Variants in RHBDF2 observed in about 807,000 individuals in gnomAD.
The protein encoded by RHBDF2 is rhomboid 5 homolog 2, also known as inactive rhomboid protein 2.
Under a neutral mutation model 95.2 loss-of-function variants are expected in RHBDF2, and 38 were observed. The observed-to-expected ratio is 0.40, with a 90% CI of 0.31 to 0.52. The LOEUF (loss-of-function observed/expected upper bound fraction) is 0.52, where lower values mean the gene tolerates loss of function less well. RHBDF2 is among the 20% of genes least tolerant of loss of function. RHBDF2 has a pLI of 0.56. For synonymous variants in RHBDF2, 442 were observed against 462.0 expected (o/e 0.96, Z 0.55); for missense variants, 863 against 1,137.7 (o/e 0.76, Z 3.47).
In RHBDF2 at chr17:76,473,742, T is replaced by A; in HGVS notation, c.1639A>T (p.Ile547Phe). 6.2e-7 allele frequency: 1 copy of A among 1,611,960 alleles called. No homozygotes were observed. The highest frequency in any genetic ancestry group is 1.1e-5 in the South Asian group (1 of 90,676). Residue 547 changes from isoleucine (I) to phenylalanine (F), a missense_variant and splice_region_variant, in exon 15 of 19, where the codon ATC (isoleucine) becomes TTC (phenylalanine). Transcript: ENST00000675367. Reference sequence around the variant, plus strand: ...TTGCTCCTGGCCTGCTCTGTGCAGATCTGCCAGGAGGGGGCACCGGCAGGG... The same window carrying A: ...TTGCTCCTGGCCTGCTCTGTGCAGAACTGCCAGGAGGGGGCACCGGCAGGG... ...IWPDDITKWP[I>F]CTEQARSNHT...
intron 4 of RHBDF2, 177 bp from the exon 5 acceptor site, chr17:76,479,454 A>G: frequency 1.0e-6 from 1 of 983,394 alleles, no homozygotes; most frequent in Non-Finnish European, 1.6e-6. Flanking sequence ...GCAGGGGATG[A>G]CGGGAGCGTG....
chr17:76,484,131 C>T (rs141403853), intron 2 of RHBDF2, among the ~76,000 whole-genome samples: 5,662 of 152,020 alleles, frequency 0.037, 336 homozygotes, highest in African/African-American at 0.13. Context: ...GGTGTGGTGG[C>T]GCATGCCTGT....
intron 1 of RHBDF2, among the ~76,000 whole-genome samples, chr17:76,494,798 C>T (rs1438016294): frequency 6.6e-6 from 1 of 152,140 alleles, no homozygotes; most frequent in Non-Finnish European, 1.5e-5. Context: ...TGGAGGCAGG[C>T]AAGTGGCAGC....
chr17:76,485,411 CAAAAAAAAAAA>C (rs35202087), intron 2 of RHBDF2, among the ~76,000 whole-genome samples: 12 of 62,770 alleles, frequency 1.9e-4, no homozygotes, highest in East Asian at 1.4e-3. Context: ...AACTCTGTCT[CAAAAAAAAAAA>C]AAAAAAAAAA....
At chr17:76,474,559 A>G in intron 11 of RHBDF2, 25 bp from the exon 12 acceptor site, 1 of 1,613,154 alleles carries the variant, frequency 6.2e-7, no homozygotes, top group Non-Finnish European at 8.5e-7. Flanking sequence ...GGGAGGGGAG[A>G]GAGTGAGTTT....
At chr17:76,480,992 G>A (rs1164739931) in intron 3 of RHBDF2, among the ~76,000 whole-genome samples, 1 of 152,176 alleles carries the variant, frequency 6.6e-6, no homozygotes, top group Non-Finnish European at 1.5e-5. Context: ...TGCCTAGGCG[G>A]GCTGCTGATG....
intron 1 of RHBDF2, among the ~76,000 whole-genome samples, chr17:76,494,999 G>C (rs1044606981): frequency 6.6e-6 from 1 of 151,212 alleles, no homozygotes; most frequent in African/African-American, 2.5e-5. Context: ...GGGCCAAAAG[G>C]CCCTGTCCAT....
intron 8 of RHBDF2, 40 bp downstream of exon 8, chr17:76,477,140 G>C (rs1485205337): frequency 1.2e-6 from 2 of 1,610,938 alleles, no homozygotes; most frequent in Admixed American, 3.4e-5. Flanking sequence ...CCCCCAGGCT[G>C]GTGGCTGGCC....
Position 76,474,021 on chromosome 17 carries a change from T to G in RHBDF2, c.1574+12A>C. 6.2e-7 allele frequency: 1 copy of G among 1,608,142 alleles called. No individual in the cohort carries two copies. Among genetic ancestry groups the G allele is most frequent in the Non-Finnish European group, 8.5e-7 (1 of 1,175,264 alleles). On this transcript the variant is annotated intron_variant, in intron 13 of 18. Transcript: ENST00000675367. The stretch of plus-strand genomic sequence containing the variant: ...CCTGACCCTGAGGCCCAGCAGAGGC[T>G]CCAGGCCCTACCTGGGGTCCTGGTG...
chr17:76,496,681 G>A (rs1476420032), intron 1 of RHBDF2, among the ~76,000 whole-genome samples: 2 of 152,196 alleles, frequency 1.3e-5, no homozygotes, highest in Admixed American at 6.5e-5. Flanking sequence ...GGTCAAAAGG[G>A]GCTTAGGCCA....
At chr17:76,473,985 G>C (rs765414144) in intron 13 of RHBDF2, 48 bp downstream of exon 13, 1 of 1,602,196 alleles carries the variant, frequency 6.2e-7, no homozygotes, top group Non-Finnish European at 8.5e-7. Context: ...GGCTCAGATG[G>C]CATGGCTATG....
intron 18 of RHBDF2, chr17:76,472,386 G>GATAGGAA: frequency 1.7e-6 from 1 of 585,414 alleles, no homozygotes. Context: ...GACTGCCGAC[G>GATAGGAA]GCGCACGGAG....
chr17:76,473,988 TG>T (rs1357929381), intron 13 of RHBDF2, 44 bp downstream of exon 13: 1 of 1,604,288 alleles, frequency 6.2e-7, no homozygotes, highest in African/African-American at 1.3e-5. Context: ...TCAGATGGCA[TG>T]GCTATGCCTG....
intron 1 of RHBDF2, among the ~76,000 whole-genome samples, chr17:76,494,551 A>G (rs568525912): frequency 1.3e-5 from 2 of 152,338 alleles, no homozygotes; most frequent in South Asian, 2.1e-4. Flanking sequence ...CAGGAGTTCT[A>G]GACTAGCCTG....
chr17:76,472,613 C>T, intron 18 of RHBDF2, 73 bp downstream of exon 18: 1 of 1,595,950 alleles, frequency 6.3e-7, no homozygotes, highest in Non-Finnish European at 8.6e-7. Flanking sequence ...CTGGCAGATC[C>T]CAGGTGGGTG....
chr17:76,491,923 T>C (rs1260696624), intron 1 of RHBDF2, among the ~76,000 whole-genome samples: 1 of 152,194 alleles, frequency 6.6e-6, no homozygotes, highest in African/African-American at 2.4e-5. Flanking sequence ...CTAGAGATGC[T>C]TGCTCACTGC....
intron 11 of RHBDF2, 97 bp downstream of exon 11, chr17:76,474,633 G>A: frequency 6.2e-7 from 1 of 1,611,780 alleles, no homozygotes; most frequent in Non-Finnish European, 8.5e-7. Context: ...CCCTGATGAG[G>A]GGCCTGCGGG....
chr17:76,478,912 G>A lies in RHBDF2; in HGVS notation c.566C>T (p.Ser189Phe). The A allele has an allele frequency of 6.2e-7, 1 of 1,609,990 alleles. No individual in the cohort carries two copies. Among genetic ancestry groups the A allele is most frequent in the Non-Finnish European group, 8.5e-7 (1 of 1,177,896 alleles). The change falls in exon 6 of 19, where the codon TCC becomes TTC. Residue 189 changes from serine (S) to phenylalanine (F), a missense_variant. Around this residue, in one of 2 missense-constraint regions of RHBDF2, gnomAD observed 611 missense variants for 725.5 expected, o/e 0.84. Coordinates refer to ENST00000675367, the MANE Select transcript of RHBDF2 (RefSeq NM_001005498.4). ...ACGGACACTGGTGAAGGAGGTGAGGGACAGGACTCCGGGGGTCAGCGGTGG... is the reference window on the plus strand; with the variant it reads ...ACGGACACTGGTGAAGGAGGTGAGGAACAGGACTCCGGGGGTCAGCGGTGG... The part of the protein sequence containing the change: ...PHPPLTPGVL[S>F]LTSFTSVRSG...
intron 1 of RHBDF2, among the ~76,000 whole-genome samples, chr17:76,498,540 C>T (rs1417742071): frequency 6.6e-6 from 1 of 152,060 alleles, no homozygotes; most frequent in Non-Finnish European, 1.5e-5. Flanking sequence ...CACTCACGGG[C>T]AGGCGTGCAC....
Sources: allele counts gnomAD v4.1 joint callset (sites outside exome capture counted in the v4.1 genomes callset), GRCh38; gene constraint gnomAD v4.1.1; regional missense constraint gnomAD v4.1.1; transcripts MANE v1.5; gene names NCBI Gene and HGNC (gene_info 2026-07-23, HGNC 2026-07-21).